The following CSMD1 variants were observed in gnomAD, a reference collection of about 807,000 sequenced individuals.
CSMD1 encodes the protein CUB and sushi domain-containing protein 1.
A neutral mutation model predicts 417.5 loss-of-function variants in CSMD1; 213 were observed. The observed-to-expected ratio is 0.51, with a 90% CI of 0.46 to 0.57. The LOEUF (loss-of-function observed/expected upper bound fraction) is 0.57. CSMD1 is among the 20% of genes least tolerant of loss of function. The probability of loss-of-function intolerance (pLI) is 0.00; values close to 1 mark genes in which losing one functional copy is unlikely to be tolerated. For missense variants in CSMD1, 6,923 were observed against 4,529.7 expected (o/e 1.53, Z -15.17); for synonymous variants, 2,862 against 1,736.8 (o/e 1.65, Z -16.11).
intron 3 of CSMD1, among the ~76,000 whole-genome samples, chr8:4,336,513 G>A (rs1046967145): frequency 1.3e-5 from 2 of 152,136 alleles, no homozygotes; most frequent in African/African-American, 4.8e-5. Flanking sequence ...ATGGTGCCTG[G>A]CCAATAACGT....
chr8:3,467,198 C>G (rs1287943046), intron 12 of CSMD1, among the ~76,000 whole-genome samples: 1 of 152,204 alleles, frequency 6.6e-6, no homozygotes, highest in Non-Finnish European at 1.5e-5. Context: ...CTACTTATGT[C>G]TCTTCATAGT....
At chr8:3,241,443 C>T (rs115581069) in intron 26 of CSMD1, among the ~76,000 whole-genome samples, 2 of 152,100 alleles carry the variant, frequency 1.3e-5, no homozygotes, top group East Asian at 1.9e-4. Context: ...CTGTGTTGGT[C>T]TACAGGGCTT....
intron 23 of CSMD1, among the ~76,000 whole-genome samples, chr8:3,332,057 C>G (rs1806935103): frequency 1.3e-5 from 2 of 152,100 alleles, no homozygotes; most frequent in Admixed American, 1.3e-4. Context: ...CATAGATTAT[C>G]AATCAATAGA....
At chr8:3,583,977 G>A (rs1442091355) in intron 9 of CSMD1, among the ~76,000 whole-genome samples, 1 of 151,704 alleles carries the variant, frequency 6.6e-6, no homozygotes, top group African/African-American at 2.4e-5. Context: ...TGAGAGCATG[G>A]CCTTTGTCTA....
chr8:3,547,980 T>A (rs1293471877), intron 10 of CSMD1, among the ~76,000 whole-genome samples: 3 of 151,912 alleles, frequency 2.0e-5, no homozygotes, highest in Non-Finnish European at 4.4e-5. Context: ...TTGGATATGG[T>A]AAAGAAAAAA....
chr8:3,421,029 A>C (rs766300068), intron 12 of CSMD1, among the ~76,000 whole-genome samples: 1 of 152,230 alleles, frequency 6.6e-6, no homozygotes, highest in African/African-American at 2.4e-5. Flanking sequence ...AAAGCTGTGT[A>C]AAGTTTTACT....
chr8:2,974,190 A>C (rs893895326), intron 56 of CSMD1, among the ~76,000 whole-genome samples: 17 of 152,200 alleles, frequency 1.1e-4, no homozygotes, highest in Non-Finnish European at 5.9e-5. Context: ...CATGGCCGGC[A>C]AGCGTCCTCT....
At chr8:4,243,585 G>C (rs1185485028) in intron 3 of CSMD1, among the ~76,000 whole-genome samples, 1 of 152,086 alleles carries the variant, frequency 6.6e-6, no homozygotes, top group Admixed American at 6.6e-5. Flanking sequence ...GTTATGCAAG[G>C]AGAGATGTCT....
At chr8:3,638,697 T>A (rs902023076) in intron 7 of CSMD1, among the ~76,000 whole-genome samples, 1 of 152,006 alleles carries the variant, frequency 6.6e-6, no homozygotes, top group African/African-American at 2.4e-5. Context: ...AGTCGACACA[T>A]GGGCAAAAGG....
chr8:3,998,870 G>C (rs1160933710), intron 4 of CSMD1, among the ~76,000 whole-genome samples: 2 of 149,380 alleles, frequency 1.3e-5, no homozygotes, highest in Non-Finnish European at 3.0e-5. Flanking sequence ...ACTATATATA[G>C]TTGATATATA....
At chr8:4,910,062 C>A (rs932651713) in intron 1 of CSMD1, among the ~76,000 whole-genome samples, 4 of 152,210 alleles carry the variant, frequency 2.6e-5, no homozygotes, top group African/African-American at 7.2e-5. Flanking sequence ...CTCCCACTTT[C>A]TGTAACTCAC....
intron 1 of CSMD1, among the ~76,000 whole-genome samples, chr8:4,684,944 C>A (rs1462192665): frequency 6.6e-6 from 1 of 152,048 alleles, no homozygotes; most frequent in Non-Finnish European, 1.5e-5. Flanking sequence ...CATTTGCTCC[C>A]AATTGCTGAA....
intron 2 of CSMD1, among the ~76,000 whole-genome samples, chr8:4,437,162 C>G (rs977658725): frequency 6.6e-6 from 1 of 152,152 alleles, no homozygotes; most frequent in African/African-American, 2.4e-5. Flanking sequence ...CAAATCCAAT[C>G]CAACAAAACA....
Position 3,087,098 on chromosome 8 carries a change from C to A in CSMD1, c.7473G>T (p.Gln2491His). 1 of 1,612,774 alleles carries A rather than the reference C, an allele frequency of 6.2e-7. No individual in the cohort carries two copies. Among genetic ancestry groups the A allele is most frequent in the Middle Eastern group, 1.9e-4 (1 of 5,360 alleles). ...TGGGGATGAAAACGCATTTCTTACC[C>A]TGGCAGAGTGGCGTGAGGGAGTCCC... ...YQWDSLTPLC[Q>H]AVSCGIPESP... Residue 2491 changes from glutamine (Q) to histidine (H), a missense_variant and splice_region_variant, in exon 49 of 70, where the codon CAG (glutamine) becomes CAT (histidine). Coordinates refer to ENST00000635120, the MANE Select transcript of CSMD1 (RefSeq NM_033225.6).
At chr8:3,804,389 T>TA (rs1800617867) in intron 5 of CSMD1, among the ~76,000 whole-genome samples, 1 of 152,134 alleles carries the variant, frequency 6.6e-6, no homozygotes, top group African/African-American at 2.4e-5. Flanking sequence ...CGGACACAAA[T>TA]AAAAAATACA....
intron 4 of CSMD1, among the ~76,000 whole-genome samples, chr8:4,029,532 A>G (rs113479731): frequency 6.6e-6 from 1 of 152,128 alleles, no homozygotes; most frequent in South Asian, 2.1e-4. Context: ...ACAGCGCAGG[A>G]AAGAACTGCC....
At chr8:4,088,319 C>G (rs1800529249) in intron 3 of CSMD1, among the ~76,000 whole-genome samples, 2 of 152,208 alleles carry the variant, frequency 1.3e-5, no homozygotes, top group Non-Finnish European at 2.9e-5. Context: ...CTAGAGTTCA[C>G]TTTTGATTTA....
At chr8:4,943,254 G>A (rs964542311) in intron 1 of CSMD1, among the ~76,000 whole-genome samples, 2 of 152,130 alleles carry the variant, frequency 1.3e-5, no homozygotes, top group East Asian at 3.9e-4. Flanking sequence ...CCAGCACTTT[G>A]GGCGGCCCAG....
chr8:3,287,557 T>G (rs1170153620), intron 25 of CSMD1, among the ~76,000 whole-genome samples: 1 of 152,126 alleles, frequency 6.6e-6, no homozygotes, highest in Non-Finnish European at 1.5e-5. Flanking sequence ...TTATTCTCTT[T>G]GAAGCAATTG....
Sources: allele counts gnomAD v4.1 joint callset (sites outside exome capture counted in the v4.1 genomes callset), GRCh38; gene constraint gnomAD v4.1.1; transcripts MANE v1.5; gene names NCBI Gene and HGNC (gene_info 2026-07-23, HGNC 2026-07-21).